The following WDFY4 variants were observed in gnomAD, a reference collection of about 807,000 sequenced individuals.
The protein encoded by WDFY4 is WDFY family member 4.
Under a neutral mutation model 351.9 loss-of-function variants are expected in WDFY4, and 169 were observed. The ratio of observed to expected loss-of-function variants is 0.48; its 90% CI spans 0.42 to 0.55. The LOEUF is 0.55. WDFY4 is among the 20% of genes least tolerant of loss of function. The pLI, the probability that WDFY4 is intolerant of heterozygous loss-of-function variation, is 0.00. For synonymous variants in WDFY4, 1,622 were observed against 1,574.6 expected (o/e 1.03, Z -0.71); for missense variants, 3,803 against 3,935.6 (o/e 0.97, Z 0.90).
chr10:48,901,660 G>A (rs1293553225), intron 46 of WDFY4, 141 bp from the exon 47 acceptor site: 10 of 812,424 alleles, frequency 1.2e-5, no homozygotes, highest in Non-Finnish European at 1.8e-5. Context: ...ACCCAGGCCT[G>A]GTGTTCACGA....
At chr10:48,784,523 T>G (rs1428697840) in intron 19 of WDFY4, among the ~76,000 whole-genome samples, 1 of 146,122 alleles carries the variant, frequency 6.8e-6, no homozygotes, top group Middle Eastern at 3.4e-3. Flanking sequence ...TCTAATTGCA[T>G]TGTTTGCTTT....
Position 48,821,164 on chromosome 10 carries a change from G to A in WDFY4, c.5812G>A (p.Ala1938Thr), listed in dbSNP as rs1256959550. ...LFHMTSGGDA[A>T]MFRDGKEPQP... ...CCACATGACAAGTGGAGGTGATGCA[G>A]CGATGTTCAGAGGTGAGTGGGGCAA... The change falls in exon 34 of 62, where the codon GCG (alanine) becomes ACG (threonine). Residue 1938 changes from alanine to threonine, a missense_variant. Around this residue, in one of 3 missense-constraint regions of WDFY4, gnomAD observed 3,054 missense variants for 3,148.6 expected, o/e 0.97. Transcript: ENST00000325239. The A allele has an allele frequency of 1.3e-6, 2 of 1,551,426 alleles. No individual in the cohort carries two copies. The highest frequency in any genetic ancestry group is 1.7e-6 in the Non-Finnish European group (2 of 1,146,818).
chr10:48,876,234 G>A (rs2070002312), intron 42 of WDFY4, among the ~76,000 whole-genome samples: 1 of 152,212 alleles, frequency 6.6e-6, no homozygotes, highest in African/African-American at 2.4e-5. Flanking sequence ...GTGAGCAGCA[G>A]ACACTTTCAA....
rs185963479 is a variant in WDFY4, at chr10:48,785,465, T to C, written c.3577-1174T>C. Among the ~76,000 whole-genome samples the C allele has an allele frequency of 2.2e-3, 339 of 152,346 alleles. 2 individuals are homozygous for C. Among genetic ancestry groups the C allele is most frequent in the South Asian group, 5.0e-3 (24 of 4,834 alleles). Reference sequence around the variant, plus strand: ...CCTATTTTTTTCCCTAAAAATTTTCTAGTTTTACGTTTTACACTAGAGTTT... The same window carrying C: ...CCTATTTTTTTCCCTAAAAATTTTCCAGTTTTACGTTTTACACTAGAGTTT... On this transcript the variant is annotated intron_variant, in intron 19 of 61. Coordinates refer to ENST00000325239, the MANE Select transcript of WDFY4 (RefSeq NM_001394531.1).
At chr10:48,966,777 G>A in intron 55 of WDFY4, 104 bp downstream of exon 55, 1 of 1,405,706 alleles carries the variant, frequency 7.1e-7, no homozygotes, top group Non-Finnish European at 9.5e-7. Flanking sequence ...GCAAAGTATT[G>A]GGGACTGACT....
intron 23 of WDFY4, among the ~76,000 whole-genome samples, chr10:48,792,203 T>C (rs1479372163): frequency 1.3e-5 from 2 of 152,116 alleles, no homozygotes; most frequent in Admixed American, 1.3e-4. Context: ...GCACCTCTTT[T>C]TTTCTCCCTC....
chr10:48,916,201 C>T (rs966798336), intron 47 of WDFY4, among the ~76,000 whole-genome samples: 10 of 152,270 alleles, frequency 6.6e-5, no homozygotes, highest in Middle Eastern at 3.4e-3. Flanking sequence ...TCCCCTCAAC[C>T]GTTTCTCTTG....
chr10:48,959,139 G>A (rs1461540500), intron 52 of WDFY4, among the ~76,000 whole-genome samples: 1 of 152,192 alleles, frequency 6.6e-6, no homozygotes, highest in Non-Finnish European at 1.5e-5. Flanking sequence ...GCAAGGTTGG[G>A]CAGCTAATGG....
chr10:48,720,750 GAC>G lies in WDFY4; in HGVS notation c.350-507_350-506del, dbSNP rs575749227. ...TCAGTGGAGCTCTTGGTCCTGAAAA[GAC>G]ACAGAGGCCAAAGTGCATCTCTTGT... On this transcript the variant is annotated intron_variant, in intron 3 of 61. Transcript: ENST00000325239. 1.6e-4 allele frequency among the ~76,000 whole-genome samples: 25 copies of G among 152,348 alleles called. No individual in the cohort carries two copies. The South Asian group carries it at 5.2e-3, about 32-fold the overall frequency.
At chr10:48,729,060 C>T (rs12247747) in intron 7 of WDFY4, among the ~76,000 whole-genome samples, 14 of 152,168 alleles carry the variant, frequency 9.2e-5, no homozygotes, top group Admixed American at 2.0e-4. Flanking sequence ...CAAGGAAGTC[C>T]GACTATTTCC....
chr10:48,741,400 C>T (rs1452223228), intron 11 of WDFY4, among the ~76,000 whole-genome samples: 2 of 134,040 alleles, frequency 1.5e-5, no homozygotes, highest in Non-Finnish European at 3.1e-5. Flanking sequence ...TTACATTGAG[C>T]CAAGATCTCG....
intron 47 of WDFY4, among the ~76,000 whole-genome samples, chr10:48,924,594 G>T (rs2377632): frequency 0.63 from 96,178 of 152,140 alleles, 31,104 homozygotes; most frequent in East Asian, 1. Flanking sequence ...GGTTTCTAAA[G>T]GTACTGTGTC....
At chr10:48,745,637 G>T in intron 12 of WDFY4, 1 of 559,922 alleles carries the variant, frequency 1.8e-6, no homozygotes, top group Admixed American at 2.3e-5. Context: ...TTCTTCTTCT[G>T]GTAGTGGGTC....
intron 13 of WDFY4, among the ~76,000 whole-genome samples, chr10:48,772,737 C>T (rs2065909692): frequency 1.3e-5 from 2 of 149,010 alleles, no homozygotes; most frequent in South Asian, 4.3e-4. Flanking sequence ...TGCTATTCCC[C>T]TTCCTGTGTC....
intron 11 of WDFY4, 183 bp downstream of exon 11, chr10:48,736,253 T>A (rs940061262): frequency 1.2e-5 from 8 of 685,562 alleles, no homozygotes; most frequent in African/African-American, 5.3e-5. Context: ...GCCTGGTACA[T>A]TTGAAATTTC....
intron 18 of WDFY4, among the ~76,000 whole-genome samples, chr10:48,779,527 C>T (rs998160603): frequency 6.6e-6 from 1 of 152,166 alleles, no homozygotes; most frequent in Non-Finnish European, 1.5e-5. Context: ...GCACAACTGC[C>T]TATCCAACTC....
intron 47 of WDFY4, among the ~76,000 whole-genome samples, chr10:48,936,274 TAA>T (rs2133719727): frequency 1.3e-5 from 2 of 152,156 alleles, no homozygotes; most frequent in East Asian, 3.9e-4. Context: ...TATCATGTTT[TAA>T]GTCCAAAAAA....
At position 48,832,600 on chromosome 10, in the gene WDFY4, G is replaced by A. The variant is rs532389480; in HGVS notation, c.6554G>A (p.Arg2185His). 68 of 1,548,400 alleles carry A rather than the reference G, an allele frequency of 4.4e-5. 1 individual carries two copies. Among genetic ancestry groups the A allele is most frequent in the South Asian group, 1.2e-4 (10 of 83,258 alleles). ...TCTGAGAAGAAGTCACTGGCAAGTC[G>A]TTCAAATGTTGCACACCACAGCAAA... ...LASEKKSLAS[R>H]SNVAHHSKVT... The change falls in exon 39 of 62, where the codon CGT (arginine) becomes CAT (histidine). Residue 2185 changes from arginine to histidine, a missense_variant. By Grantham distance (29) the Arg-to-His change is conservative. Around this residue, in one of 3 missense-constraint regions of WDFY4, gnomAD observed 3,054 missense variants for 3,148.6 expected, o/e 0.97. Coordinates refer to ENST00000325239, the MANE Select transcript of WDFY4 (RefSeq NM_001394531.1).
intron 1 of WDFY4, among the ~76,000 whole-genome samples, chr10:48,685,798 C>A (rs1032561353): frequency 1.3e-5 from 2 of 151,984 alleles, no homozygotes; most frequent in South Asian, 2.1e-4. Context: ...TATGTATAGT[C>A]ATTCATTTAG....
Sources: allele counts gnomAD v4.1 joint callset (sites outside exome capture counted in the v4.1 genomes callset), GRCh38; gene constraint gnomAD v4.1.1; regional missense constraint gnomAD v4.1.1; transcripts MANE v1.5; gene names NCBI Gene and HGNC (gene_info 2026-07-23, HGNC 2026-07-21).